EEFSEC: variants seen among roughly 807,000 people sequenced by gnomAD.
The protein encoded by EEFSEC is selenocysteine-specific elongation factor.
A neutral mutation model predicts 42.1 loss-of-function variants in EEFSEC; 43 were observed. The ratio of observed to expected loss-of-function variants is 1.02; its 90% CI spans 0.80 to 1.32. The LOEUF is 1.32. Ranked by LOEUF, EEFSEC falls within the 40% of genes most tolerant of loss-of-function variation. The pLI is 0.00. For missense variants in EEFSEC, 745 were observed against 803.6 expected, an observed-to-expected ratio of 0.93 and a Z score of 0.88; for synonymous variants, 354 against 339.1, an observed-to-expected ratio of 1.04 and a Z score of -0.48.
intron 2 of EEFSEC, among the ~76,000 whole-genome samples, chr3:128,255,292 G>GAA (rs1291115145): frequency 6.6e-6 from 1 of 152,180 alleles, no homozygotes; most frequent in Non-Finnish European, 1.5e-5. Context: ...AAGGGCCATG[G>GAA]AAATAAAGGT....
chr3:128,241,408 C>T (rs2066070163), intron 1 of EEFSEC, among the ~76,000 whole-genome samples: 1 of 152,082 alleles, frequency 6.6e-6, no homozygotes. Context: ...CAGGGTTTCA[C>T]CATGTTGCCC....
intron 2 of EEFSEC, among the ~76,000 whole-genome samples, chr3:128,248,782 T>A (rs1485356333): frequency 6.6e-6 from 1 of 152,240 alleles, no homozygotes; most frequent in Non-Finnish European, 1.5e-5. Context: ...TAAGGGTTAA[T>A]TAATAGTAAT....
At chr3:128,252,329 G>C (rs558951210) in intron 2 of EEFSEC, among the ~76,000 whole-genome samples, 2 of 152,246 alleles carry the variant, frequency 1.3e-5, no homozygotes, top group Admixed American at 1.3e-4. Context: ...GTGCTTGGGC[G>C]ACTCACTCCA....
At chr3:128,359,943 C>A (rs1395571290) in intron 6 of EEFSEC, among the ~76,000 whole-genome samples, 1 of 152,186 alleles carries the variant, frequency 6.6e-6, no homozygotes, top group Non-Finnish European at 1.5e-5. Flanking sequence ...GCCAGGGAAC[C>A]CCTTCCTTTC....
intron 6 of EEFSEC, among the ~76,000 whole-genome samples, chr3:128,372,268 G>T (rs1426512632): frequency 6.6e-6 from 1 of 152,196 alleles, no homozygotes; most frequent in Admixed American, 6.5e-5. Flanking sequence ...CTGAGAGAAA[G>T]TTCCAGAAAT....
intron 6 of EEFSEC, among the ~76,000 whole-genome samples, chr3:128,358,954 C>T (rs936779000): frequency 2.0e-5 from 3 of 152,182 alleles, no homozygotes; most frequent in African/African-American, 4.8e-5. Context: ...ATTCAGCCTA[C>T]ACTGCATCAT....
At chr3:128,418,194 C>G in the EEFSEC span, among the ~76,000 whole-genome samples, 2 of 152,086 alleles carry the variant, frequency 1.3e-5, no homozygotes, top group Non-Finnish European at 2.9e-5. Context: ...CCCTCAGCAC[C>G]CCCTCCTCAC....
intron 6 of EEFSEC, among the ~76,000 whole-genome samples, chr3:128,359,285 T>C (rs1247375775): frequency 6.6e-6 from 1 of 152,178 alleles, no homozygotes; most frequent in Non-Finnish European, 1.5e-5. Context: ...AAAAGTGTGC[T>C]GAGCAGAGAG....
chr3:128,279,912 C>T (rs959119468), intron 4 of EEFSEC, among the ~76,000 whole-genome samples: 5 of 152,308 alleles, frequency 3.3e-5, no homozygotes, highest in East Asian at 1.9e-4. Flanking sequence ...TCAGTGCACA[C>T]GAGCTCAGTG....
chr3:128,214,910 T>TGAG (rs1243363438), intron 1 of EEFSEC, among the ~76,000 whole-genome samples: 3 of 152,322 alleles, frequency 2.0e-5, no homozygotes, highest in African/African-American at 4.8e-5. Context: ...ATGATTTTCC[T>TGAG]GAGGAGGAGG....
chr3:128,167,233 T>C (rs1193732639), intron 1 of EEFSEC, among the ~76,000 whole-genome samples: 1 of 152,212 alleles, frequency 6.6e-6, no homozygotes, highest in Non-Finnish European at 1.5e-5. Context: ...TCTCATTTTC[T>C]CCCCATCTTA....
Position 128,181,917 on chromosome 3 carries a change from G to A in EEFSEC, c.316+28094G>A, listed in dbSNP as rs912724442. ...GAACCTCCGCCTCCCGGGTTCAAGC[G>A]ATTCTCCCACCTCAGGCTCCTGAGT... is the stretch of plus-strand genomic sequence containing the variant. On this transcript the variant is annotated intron_variant, in intron 1 of 6. Coordinates refer to ENST00000254730, the MANE Select transcript of EEFSEC (RefSeq NM_021937.5). Among the ~76,000 whole-genome samples, 3 of 152,156 alleles carry A rather than the reference G, an allele frequency of 2.0e-5. No individual in the cohort carries two copies. In the East Asian group the frequency reaches 5.8e-4, roughly 29 times the overall value.
chr3:128,244,774 GCA>G (rs1434214362), intron 1 of EEFSEC, among the ~76,000 whole-genome samples: 1 of 152,038 alleles, frequency 6.6e-6, no homozygotes, highest in African/African-American at 2.4e-5. Context: ...CCACACACGT[GCA>G]CACACATACA....
chr3:128,355,086 A>C (rs2067435540), intron 5 of EEFSEC, among the ~76,000 whole-genome samples: 1 of 152,206 alleles, frequency 6.6e-6, no homozygotes, highest in Non-Finnish European at 1.5e-5. Flanking sequence ...CTTCCCCTTG[A>C]TGCCATGTGT....
intron 1 of EEFSEC, among the ~76,000 whole-genome samples, chr3:128,235,080 T>A (rs181823822): frequency 7.7e-4 from 118 of 152,320 alleles, no homozygotes; most frequent in African/African-American, 2.8e-3. Flanking sequence ...ATTTTATTTT[T>A]TTGAGGCAGG....
intron 1 of EEFSEC, among the ~76,000 whole-genome samples, chr3:128,166,592 G>A (rs1187376973): frequency 6.6e-6 from 1 of 152,070 alleles, no homozygotes; most frequent in Non-Finnish European, 1.5e-5. Context: ...CATGTGATTT[G>A]GTTATAAGAA....
intron 1 of EEFSEC, among the ~76,000 whole-genome samples, chr3:128,156,405 T>G (rs1944381881): frequency 6.6e-6 from 1 of 151,848 alleles, no homozygotes; most frequent in Non-Finnish European, 1.5e-5. Flanking sequence ...CTTTGCATGC[T>G]TCCCCAGGTT....
intron 6 of EEFSEC, chr3:128,367,703 C>G: frequency 1.0e-6 from 1 of 985,422 alleles, no homozygotes; most frequent in Non-Finnish European, 1.2e-6. Flanking sequence ...TGAAACCAGA[C>G]CCAGAGATGA....
At chr3:128,313,961 C>T (rs897755311) in intron 4 of EEFSEC, among the ~76,000 whole-genome samples, 2 of 152,168 alleles carry the variant, frequency 1.3e-5, no homozygotes, top group Non-Finnish European at 2.9e-5. Flanking sequence ...GTATCTCCCC[C>T]TGTTTCTTAC....
Sources: allele counts gnomAD v4.1 joint callset (sites outside exome capture counted in the v4.1 genomes callset), GRCh38; gene constraint gnomAD v4.1.1; transcripts MANE v1.5; gene names NCBI Gene and HGNC (gene_info 2026-07-23, HGNC 2026-07-21).